The following PRKCB variants were observed in gnomAD, a reference collection of about 807,000 sequenced individuals.
PRKCB encodes the protein protein kinase C beta.
Under a neutral mutation model 81.5 loss-of-function variants are expected in PRKCB, and 13 were observed. The observed-to-expected ratio is 0.16, with a 90% CI of 0.10 to 0.25. The LOEUF is 0.25. Ranked by LOEUF, PRKCB falls within the 10% of genes least tolerant of loss-of-function variation. The pLI is 1.00. For missense variants in PRKCB, 509 were observed against 875.7 expected (o/e 0.58, Z 5.29); for synonymous variants, 335 against 321.4 (o/e 1.04, Z -0.45).
At chr16:23,963,688 A>G (rs369535130) in intron 2 of PRKCB, 2 of 152,126 alleles carry the variant, frequency 1.3e-5, no homozygotes, top group South Asian at 2.1e-4. Flanking sequence ...TGCTTGTGTG[A>G]TGTAATGAGG....
In PRKCB at chr16:23,882,021, T is replaced by TCTTTCTTCCTTC; in HGVS notation, c.205+44618_205+44619insTCTTCCTTCCTT. ...TTCTTTCTTTCTTTCTTTCTTTCTT[T>TCTTTCTTCCTTC]CTTCCTTCCTTCCTTCCTTCCTTCC... On this transcript the variant is annotated intron_variant, in intron 2 of 16. Transcript: ENST00000643927. 7.0e-3 allele frequency among the ~76,000 whole-genome samples: 390 copies of TCTTTCTTCCTTC among 55,592 alleles called. 14 individuals are homozygous for TCTTTCTTCCTTC. Among genetic ancestry groups the TCTTTCTTCCTTC allele is most frequent in the Middle Eastern group, 0.016 (2 of 128 alleles). The allele number at this position is 55,592 out of a possible 152,430, so 36.5% of individuals were successfully genotyped here. A position where few individuals can be genotyped will look rare whatever the true frequency, so the allele number is the denominator to read the frequency against.
intron 9 of PRKCB, among the ~76,000 whole-genome samples, chr16:24,139,976 G>A (rs959809249): frequency 3.3e-5 from 5 of 152,130 alleles, no homozygotes; most frequent in Admixed American, 2.0e-4. Context: ...CCTGAGGTAC[G>A]TCTTCACTTG....
intron 2 of PRKCB, among the ~76,000 whole-genome samples, chr16:23,949,610 T>C (rs533054015): frequency 6.6e-6 from 1 of 152,284 alleles, no homozygotes; most frequent in East Asian, 1.9e-4. Flanking sequence ...TCAACCAATA[T>C]TTATTGGGTG....
At chr16:24,049,795 G>T (rs1046840997) in intron 5 of PRKCB, among the ~76,000 whole-genome samples, 1 of 152,222 alleles carries the variant, frequency 6.6e-6, no homozygotes, top group South Asian at 2.1e-4. Flanking sequence ...TGTGTACATG[G>T]GAGGAAGCAG....
At chr16:23,857,625 G>A (rs1430480255) in intron 2 of PRKCB, among the ~76,000 whole-genome samples, 5 of 152,186 alleles carry the variant, frequency 3.3e-5, no homozygotes, top group Admixed American at 3.3e-4. Flanking sequence ...GGGGGCCAGG[G>A]CACTCCAGAT....
chr16:24,206,070 A>T (rs184710209), intron 16 of PRKCB, among the ~76,000 whole-genome samples: 1 of 152,354 alleles, frequency 6.6e-6, no homozygotes, highest in African/African-American at 2.4e-5. Flanking sequence ...CAAACACAAA[A>T]GACCCCTCTC....
At chr16:23,891,735 G>A (rs1034002740) in intron 2 of PRKCB, among the ~76,000 whole-genome samples, 3 of 152,178 alleles carry the variant, frequency 2.0e-5, no homozygotes, top group African/African-American at 7.2e-5. Context: ...CAGTTTTCAA[G>A]GGGTCATGTT....
rs1966686571 is a variant in PRKCB at position 24,112,431 on chromosome 16, A to T, written c.822-542A>T. Among the ~76,000 whole-genome samples, 3 of 152,042 alleles carry T rather than the reference A, an allele frequency of 2.0e-5. No individual in the cohort carries two copies. In the South Asian group the frequency reaches 6.2e-4, roughly 32 times the overall value. On this transcript the variant is annotated intron_variant, in intron 7 of 16. Coordinates refer to ENST00000643927, the MANE Select transcript of PRKCB (RefSeq NM_002738.7). Reference sequence around the variant, plus strand: ...ACATGCCTATAGTCCCCAGCTACTCAGGAAGCTGAGGCAGGAGGATCGCTT... The same window carrying T: ...ACATGCCTATAGTCCCCAGCTACTCTGGAAGCTGAGGCAGGAGGATCGCTT...
At chr16:23,987,700 A>T (rs1008410934) in intron 2 of PRKCB, among the ~76,000 whole-genome samples, 3 of 152,144 alleles carry the variant, frequency 2.0e-5, no homozygotes, top group Admixed American at 6.5e-5. Context: ...AAAGGCTCTG[A>T]GCTGCTCCCT....
chr16:23,886,406 GTTTTTTTTTT>G (rs398029038), intron 2 of PRKCB, among the ~76,000 whole-genome samples: 22 of 70,208 alleles, frequency 3.1e-4, no homozygotes, highest in Admixed American at 1.3e-3. Context: ...TGTGTTAGGT[GTTTTTTTTTT>G]TTTTTTTTTT....
At position 24,037,049 on chromosome 16, in the gene PRKCB, C is replaced by T. The variant is rs547790790; in HGVS notation, c.529+1502C>T. On this transcript the variant is annotated intron_variant, in intron 5 of 16. Coordinates refer to ENST00000643927, the MANE Select transcript of PRKCB (RefSeq NM_002738.7). The stretch of plus-strand genomic sequence containing the variant: ...TGTTGCCCAGGCTGGAGTGTGGTGG[C>T]GCCATCTTAGCTCACTGGAACCTCC... 7.9e-5 allele frequency among the ~76,000 whole-genome samples: 12 copies of T among 152,224 alleles called. No homozygotes were observed. In the East Asian group the frequency reaches 1.9e-3, roughly 24 times the overall value.
chr16:24,007,786 C>T (rs1022085636), intron 3 of PRKCB, among the ~76,000 whole-genome samples: 4 of 151,930 alleles, frequency 2.6e-5, no homozygotes, highest in African/African-American at 9.7e-5. Flanking sequence ...ATTTCTGGAG[C>T]CTGCAGGCCT....
At chr16:23,899,632 CTCTCTCTCTCTCTGTG>C (rs769004044) in intron 2 of PRKCB, among the ~76,000 whole-genome samples, 5 of 43,500 alleles carry the variant, frequency 1.1e-4, no homozygotes, top group Non-Finnish European at 1.8e-4. Flanking sequence ...CTCTCTCTCT[CTCTCTCTCTCTCTGTG>C]TGTGTGTGTG....
At position 23,889,944 on chromosome 16, in the gene PRKCB, G is replaced by A. The variant is rs971293315; in HGVS notation, c.205+52538G>A. On this transcript the variant is annotated intron_variant, in intron 2 of 16. Transcript: ENST00000643927. ...AGCTGGCATTTTCTTATATTTTTTGGAGTTTCCTCCCAAAATTTATTTGTT... is the reference window on the plus strand; with the variant it reads ...AGCTGGCATTTTCTTATATTTTTTGAAGTTTCCTCCCAAAATTTATTTGTT... 2.6e-5 allele frequency among the ~76,000 whole-genome samples: 4 copies of A among 151,516 alleles called. No homozygotes were observed. The South Asian group carries it at 8.3e-4, about 32-fold the overall frequency.
At chr16:23,898,193 G>A (rs574356216) in intron 2 of PRKCB, among the ~76,000 whole-genome samples, 38 of 152,020 alleles carry the variant, frequency 2.5e-4, no homozygotes, top group African/African-American at 8.4e-4. Flanking sequence ...AGCCTCCCGA[G>A]TAGCTGGAAC....
chr16:24,096,666 A>AAAAAAAAAAAAAAAT (rs1406204037), intron 7 of PRKCB, among the ~76,000 whole-genome samples: 6 of 32,704 alleles, frequency 1.8e-4, no homozygotes, highest in Admixed American at 4.4e-4. Context: ...AAAAAAAAAA[A>AAAAAAAAAAAAAAAT]ATATATATAT....
intron 16 of PRKCB, among the ~76,000 whole-genome samples, chr16:24,212,678 G>A (rs1487940960): frequency 6.6e-6 from 1 of 151,752 alleles, no homozygotes; most frequent in Non-Finnish European, 1.5e-5. Context: ...TGTTGGTCAG[G>A]CTGGTCTCAA....
rs564150704 is a variant in PRKCB at position 24,130,321 on chromosome 16, C to T, written c.1065+6340C>T. Among the ~76,000 whole-genome samples the T allele has an allele frequency of 5.3e-5, 8 of 152,206 alleles. No homozygotes were observed. In the East Asian group the frequency reaches 5.8e-4, roughly 11 times the overall value. ...GTTTAGTATGTTCCATGGGCACCTG[C>T]GGGAGTGGGATTTGCCCTGGTTGAA... On this transcript the variant is annotated intron_variant, in intron 9 of 16. Transcript: ENST00000643927.
chr16:24,142,405 C>A (rs766079400), intron 9 of PRKCB, among the ~76,000 whole-genome samples: 19 of 152,168 alleles, frequency 1.2e-4, no homozygotes, highest in Non-Finnish European at 2.2e-4. Flanking sequence ...AGGTTTCTCT[C>A]GAAATCCTGC....
Sources: gnomAD v4.1 joint callset for allele counts (sites outside exome capture counted in the v4.1 genomes callset) on GRCh38, gnomAD v4.1.1 for gene constraint, MANE v1.5 for transcripts, NCBI Gene and HGNC (gene_info 2026-07-23, HGNC 2026-07-21) for gene names.